The following SAMD11 variants were observed in gnomAD, a reference collection of about 807,000 sequenced individuals.
SAMD11 encodes the protein sterile alpha motif domain-containing protein 11.
In SAMD11, 77 loss-of-function variants were observed where a neutral mutation model predicts 64.4. That is an observed-to-expected ratio of 1.20 (90% CI 0.99 to 1.44). The LOEUF (loss-of-function observed/expected upper bound fraction) is 1.44, where lower values mean the gene tolerates loss of function less well. Among genes scored for constraint, SAMD11 ranks in the 40% most tolerant of loss-of-function variants. SAMD11 has a pLI of 0.00. For synonymous variants in SAMD11, 658 were observed against 421.9 expected, an observed-to-expected ratio of 1.56 and a Z score of -6.86; for missense variants, 1,402 against 943.3, an observed-to-expected ratio of 1.49 and a Z score of -6.37.
At position 942,229 on chromosome 1, in the gene SAMD11, C is replaced by T. The variant is rs781214284; in HGVS notation, c.1452C>T (p.Pro484=). The T allele has an allele frequency of 1.4e-5, 19 of 1,349,322 alleles. No homozygotes were observed. In the Admixed American group the frequency reaches 2.2e-4, roughly 15 times the overall value. The allele number at this position is 1,349,322 out of a possible 1,614,324, so 83.6% of individuals were successfully genotyped here. ...TCAGGCCCCCCTTCCTGGGGGTGCC[C>T]TCGGCTCTGTGCCAGACCCCAGGTG... The part of the protein sequence containing the change: ...PHLRPPFLGV[P]SALCQTPGYG... Residue 484 remains proline (P), a synonymous_variant, in exon 9 of 14, where the codon CCC becomes CCT. Coordinates refer to ENST00000616016, the MANE Select transcript of SAMD11 (RefSeq NM_001385641.1).
chr1:942,145 T>C lies in SAMD11; in HGVS notation c.1368T>C (p.Pro456=). ...AAPSFSEREL[P]QPPPLLSPQN... is the part of the protein sequence containing the mutation. ...GCGCTGCCGTCCACAGGGAGCTGCC[T>C]CAGCCGCCCCCCTTGCTGTCGCCGC... Residue 456 remains proline (P), a synonymous_variant, in exon 9 of 14, where the codon CCT becomes CCC. Coordinates refer to ENST00000616016, the MANE Select transcript of SAMD11 (RefSeq NM_001385641.1). 1 of 1,358,046 alleles carries C rather than the reference T, an allele frequency of 7.4e-7. No individual in the cohort carries two copies. The highest frequency in any genetic ancestry group is 9.8e-7 in the Non-Finnish European group (1 of 1,017,310). 84.1% of individuals were successfully genotyped at this position (1,358,046 alleles called of 1,614,324 possible). A position where few individuals can be genotyped will look rare whatever the true frequency, so the allele number is the denominator to read the frequency against.
At position 944,533 on chromosome 1, in the gene SAMD11, T is replaced by TA. The variant is rs1371683832; in HGVS notation, c.*381dup. 4.8e-6 allele frequency: 3 copies of TA among 621,580 alleles called. No individual in the cohort carries two copies. The highest frequency in any genetic ancestry group is 8.2e-6 in the Non-Finnish European group (3 of 366,768). The allele number at this position is 621,580 out of a possible 1,614,324, so 38.5% of individuals were successfully genotyped here. A position where few individuals can be genotyped will look rare whatever the true frequency, so the allele number is the denominator to read the frequency against. ...CAGCCCAGCCCAGCCCAGCTCTCGA[T>TA]ACGTTTGGTCTTTCATGCTGAAAAA... On this transcript the variant is annotated 3_prime_UTR_variant, in exon 14 of 14. Transcript: ENST00000616016.
chr1:943,454 G>A (rs1641938597), intron 12 of SAMD11, 77 bp downstream of exon 12: 12 of 1,297,778 alleles, frequency 9.2e-6, no homozygotes, highest in Non-Finnish European at 1.3e-5. Flanking sequence ...GGATGGTGGG[G>A]TAGGGCCATT....
chr1:942,376 C>A, intron 9 of SAMD11, 34 bp from the exon 10 acceptor site: 2 of 1,245,950 alleles, frequency 1.6e-6, no homozygotes, highest in Non-Finnish European at 2.2e-6. Context: ...CCGCCTCGGA[C>A]CCCCCGACCC....
intron 4 of SAMD11, 117 bp from the exon 5 acceptor site, chr1:935,655 T>TGGC: frequency 7.2e-7 from 1 of 1,380,918 alleles, no homozygotes; most frequent in South Asian, 1.3e-5. Context: ...CACAGCAACG[T>TGGC]GGCACTCAGA....
intron 2 of SAMD11, among the ~76,000 whole-genome samples, chr1:928,797 G>A (rs1641030262): frequency 6.6e-6 from 1 of 152,228 alleles, no homozygotes; most frequent in South Asian, 2.1e-4. Flanking sequence ...ACCTGGGTGG[G>A]GGGATGCTCC....
rs200030141 is a variant in SAMD11 at position 937,642 on chromosome 1, CG to C, written c.968-1397del. On this transcript the variant is annotated intron_variant, in intron 5 of 13. Transcript: ENST00000616016. ...CTGGCACGGGAGGCTGTGGGGGAGACGATGGCTTCTCAGGGGCCTGAGCAGT... is the reference window on the plus strand; with the variant it reads ...CTGGCACGGGAGGCTGTGGGGGAGACATGGCTTCTCAGGGGCCTGAGCAGT... Among the ~76,000 whole-genome samples, 516 of 152,220 alleles carry C rather than the reference CG, an allele frequency of 3.4e-3. 2 individuals are homozygous for C. The highest frequency in any genetic ancestry group is 0.012 in the African/African-American group (494 of 41,532).
At position 942,459 on chromosome 1, in the gene SAMD11, G is replaced by A. The variant is rs1186091688; in HGVS notation, c.1524G>A (p.Gln508=). The A allele has an allele frequency of 6.7e-7, 1 of 1,488,088 alleles. No individual in the cohort carries two copies. The highest frequency in any genetic ancestry group is 8.9e-7 in the Non-Finnish European group (1 of 1,125,568). 92.2% of individuals were successfully genotyped at this position (1,488,088 alleles called of 1,614,324 possible). A position where few individuals can be genotyped will look rare whatever the true frequency, so the allele number is the denominator to read the frequency against. The change falls in exon 10 of 14, where the codon CAG becomes CAA. Residue 508 remains glutamine, a synonymous_variant. Coordinates refer to ENST00000616016, the MANE Select transcript of SAMD11 (RefSeq NM_001385641.1). ...PAQAEMFAWQ[Q]ELLRKQNLAR... ...AGGCGGAGATGTTCGCCTGGCAGCA[G>A]GAGCTCCTGCGGAAGCAGAACCTGG... is the stretch of plus-strand genomic sequence containing the variant.
chr1:941,363 GCT>G (rs1168041692), intron 8 of SAMD11, 57 bp downstream of exon 8: 46 of 1,433,464 alleles, frequency 3.2e-5, no homozygotes, highest in Non-Finnish European at 3.8e-5. Flanking sequence ...GCACCCCCGC[GCT>G]CTCAGCCACC....
chr1:936,007 GCGGCCTGTC>G, intron 5 of SAMD11, 111 bp downstream of exon 5: 1 of 1,175,366 alleles, frequency 8.5e-7, no homozygotes, highest in Non-Finnish European at 1.2e-6. Context: ...GGCAGGAGGA[GCGGCCTGTC>G]CCCCAGGGGC....
Position 942,423 on chromosome 1 carries a change from GC to G in SAMD11, c.1494del (p.Ala499ArgfsTer65). 6 of 1,482,742 alleles carry G rather than the reference GC, an allele frequency of 4.0e-6. No homozygotes were observed. Among genetic ancestry groups the G allele is most frequent in the South Asian group, 2.6e-5 (2 of 78,228 alleles). The allele number at this position is 1,482,742 out of a possible 1,614,324, so 91.8% of individuals were successfully genotyped here. A position where few individuals can be genotyped will look rare whatever the true frequency, so the allele number is the denominator to read the frequency against. On this transcript the variant is annotated frameshift_variant, in exon 10 of 14. Transcript: ENST00000616016. LOFTEE classifies it high-confidence loss of function. ...LCQTPGYGFLPPAQAEMFAWQ... is the reference protein window; with the variant it reads ...LCQTPGYGFLXPAQAEMFAWQ... Reference sequence around the variant, plus strand: ...CCTCCCCACCAGGCTACGGCTTCCTGCCCCCCGCGCAGGCGGAGATGTTCGC... The same window carrying G: ...CCTCCCCACCAGGCTACGGCTTCCTGCCCCCGCGCAGGCGGAGATGTTCGC...
Position 923,943 on chromosome 1 carries a change from C to A in SAMD11, c.-489C>A, listed in dbSNP as rs1415223005. ...GCGTCGGCGGCGGAGTCTCCCAAGT[C>A]CCCGCCGGGCGGGCGCGCGCCAGTG... On this transcript the variant is annotated 5_prime_UTR_variant, in exon 1 of 14. Coordinates refer to ENST00000616016, the MANE Select transcript of SAMD11 (RefSeq NM_001385641.1). 4 of 151,022 alleles carry A rather than the reference C, an allele frequency of 2.6e-5. No individual in the cohort carries two copies. Among genetic ancestry groups the A allele is most frequent in the African/African-American group, 9.7e-5 (4 of 41,338 alleles). 9.4% of individuals were successfully genotyped at this position (151,022 alleles called of 1,614,324 possible). A position where few individuals can be genotyped will look rare whatever the true frequency, so the allele number is the denominator to read the frequency against.
At chr1:926,113 C>T (rs566319799) in intron 2 of SAMD11, 100 bp downstream of exon 2, 31 of 1,175,084 alleles carry the variant, frequency 2.6e-5, no homozygotes, top group African/African-American at 2.1e-4. Context: ...CTAACCTCAC[C>T]CCTGCGGGTG....
At chr1:926,513 G>T (rs1299577907) in intron 2 of SAMD11, among the ~76,000 whole-genome samples, 1 of 152,204 alleles carries the variant, frequency 6.6e-6, no homozygotes, top group African/African-American at 2.4e-5. Flanking sequence ...GGACGTCGAA[G>T]TGTGTCCTAG....
chr1:937,808 C>T (rs1247558549), intron 5 of SAMD11, among the ~76,000 whole-genome samples: 2 of 152,242 alleles, frequency 1.3e-5, no homozygotes, highest in African/African-American at 4.8e-5. Context: ...GCAGCCGGGC[C>T]AGGATCAATA....
chr1:932,472 A>G (rs1641213515), intron 4 of SAMD11, among the ~76,000 whole-genome samples: 1 of 152,172 alleles, frequency 6.6e-6, no homozygotes, highest in African/African-American at 2.4e-5. Flanking sequence ...GTCAGAGGGG[A>G]GGGCGTGCTG....
rs1020066498 is a variant in SAMD11 at position 928,910 on chromosome 1, C to A, written c.610-1245C>A. 2.0e-5 allele frequency among the ~76,000 whole-genome samples: 3 copies of A among 152,202 alleles called. 1 individual carries two copies. The highest frequency in any genetic ancestry group is 4.1e-4 in the South Asian group (2 of 4,832). On this transcript the variant is annotated intron_variant, in intron 2 of 13. Transcript: ENST00000616016. Reference sequence around the variant, plus strand: ...TTCTAGGTCTGAGGAGGACACCCTCCTAACAGCCTCATCCCCAAGCTCCGG... The same window carrying A: ...TTCTAGGTCTGAGGAGGACACCCTCATAACAGCCTCATCCCCAAGCTCCGG...
rs1020235043 is a variant in SAMD11, at chr1:935,858, T to G, written c.929T>G (p.Phe310Cys). The change falls in exon 5 of 14, where the codon TTC (phenylalanine) becomes TGC (cysteine). Residue 310 changes from phenylalanine to cysteine, a missense_variant. Coordinates refer to ENST00000616016, the MANE Select transcript of SAMD11 (RefSeq NM_001385641.1). ...CCCGAGCATCAGAGCCGCTGTGAATTCCAGAGAGGCAGCCTGGAGATTGGC... is the reference window on the plus strand; with the variant it reads ...CCCGAGCATCAGAGCCGCTGTGAATGCCAGAGAGGCAGCCTGGAGATTGGC... ...VMPEHQSRCE[F>C]QRGSLEIGLR... 3 of 1,613,010 alleles carry G rather than the reference T, an allele frequency of 1.9e-6. No individual in the cohort carries two copies. The African/African-American group carries it at 4.0e-5, about 22-fold the overall frequency.
chr1:939,546 C>T (rs1569902261), intron 7 of SAMD11, 134 bp downstream of exon 7: 1 of 1,482,626 alleles, frequency 6.7e-7, no homozygotes, highest in East Asian at 2.3e-5. Context: ...GCCCTGCTGA[C>T]ACCAAGGCCA....
Sources: allele counts gnomAD v4.1 joint callset (sites outside exome capture counted in the v4.1 genomes callset), GRCh38; gene constraint gnomAD v4.1.1; transcripts MANE v1.5; gene names NCBI Gene and HGNC (gene_info 2026-07-23, HGNC 2026-07-21).